AGRN: variants seen among roughly 807,000 people sequenced by gnomAD.
The protein encoded by AGRN is agrin proteoglycan.
A neutral mutation model predicts 211.0 loss-of-function variants in AGRN; 106 were observed. That is an observed-to-expected ratio of 0.50 (90% CI 0.43 to 0.59). AGRN has a LOEUF of 0.59. Ranked by LOEUF, AGRN falls within the 20% of genes least tolerant of loss-of-function variation. The probability of loss-of-function intolerance (pLI) is 0.00; values close to 1 mark genes in which losing one functional copy is unlikely to be tolerated. For synonymous variants in AGRN, 1,525 were observed against 1,332.5 expected, an observed-to-expected ratio of 1.14 and a Z score of -3.15; for missense variants, 3,040 against 2,982.6, an observed-to-expected ratio of 1.02 and a Z score of -0.45.
At chr1:1,035,012 C>T (rs1382414367) in intron 2 of AGRN, 3 of 583,204 alleles carry the variant, frequency 5.1e-6, no homozygotes, top group Non-Finnish European at 9.2e-6. Flanking sequence ...GGGGGTCCTG[C>T]CTGCACCCCT....
chr1:1,035,803 C>T (rs921060905), intron 3 of AGRN, among the ~76,000 whole-genome samples: 1 of 150,846 alleles, frequency 6.6e-6, no homozygotes, highest in African/African-American at 2.4e-5. Context: ...GCCTGGAGGG[C>T]GGCAGTCTGT....
intron 1 of AGRN, among the ~76,000 whole-genome samples, chr1:1,020,682 G>C (rs578027723): frequency 6.8e-4 from 51 of 74,934 alleles, no homozygotes; most frequent in African/African-American, 2.2e-3. Flanking sequence ...GGCCTGGGGA[G>C]GGGGGGCCTT....
At chr1:1,022,678 C>CA (rs1644435525) in intron 2 of AGRN, among the ~76,000 whole-genome samples, 1 of 152,244 alleles carries the variant, frequency 6.6e-6, no homozygotes, top group South Asian at 2.1e-4. Context: ...CCCTGGGGCC[C>CA]AAGGCAAGTC....
Position 1,055,218 on chromosome 1 carries a change from G to T in AGRN, c.*237G>T. The T allele has an allele frequency of 3.1e-6, 2 of 640,150 alleles. No homozygotes were observed. Among genetic ancestry groups the T allele is most frequent in the Non-Finnish European group, 5.4e-6 (2 of 369,440 alleles). 39.7% of individuals were successfully genotyped at this position (640,150 alleles called of 1,614,324 possible). ...AGGACACACACCCCTGCCTCAAGGTGCTGAGCCCCCGCCTTGCACTGCGCC... is the reference window on the plus strand; with the variant it reads ...AGGACACACACCCCTGCCTCAAGGTTCTGAGCCCCCGCCTTGCACTGCGCC... On this transcript the variant is annotated 3_prime_UTR_variant, in exon 36 of 36. Coordinates refer to ENST00000379370, the MANE Select transcript of AGRN (RefSeq NM_198576.4).
chr1:1,036,499 A>G (rs1008520731), intron 3 of AGRN, among the ~76,000 whole-genome samples: 5 of 152,056 alleles, frequency 3.3e-5, no homozygotes, highest in Non-Finnish European at 5.9e-5. Flanking sequence ...TTTGCTCCTG[A>G]AGCCGCACAC....
In AGRN at chr1:1,046,188, G is replaced by A. The variant is rs762373072; in HGVS notation, c.2834G>A (p.Gly945Asp). 1 of 1,613,826 alleles carries A rather than the reference G, an allele frequency of 6.2e-7. No homozygotes were observed. Among genetic ancestry groups the A allele is most frequent in the Non-Finnish European group, 8.5e-7 (1 of 1,179,996 alleles). The change falls in exon 17 of 36, where the codon GGC (glycine) becomes GAC (aspartate). Residue 945 changes from glycine (G) to aspartate (D), a missense_variant. Coordinates refer to ENST00000379370, the MANE Select transcript of AGRN (RefSeq NM_198576.4). ...KVCGSDGVTY[G>D]NECQLKTIAC... ...TGTGGGTCAGATGGAGTCACATACG[G>A]CAACGAGTGTCAGCTGAAGACCATC...
In AGRN at chr1:1,048,379, C is replaced by A; in HGVS notation, c.4105+14C>A. The A allele has an allele frequency of 7.0e-7, 1 of 1,427,746 alleles. No individual in the cohort carries two copies. Among genetic ancestry groups the A allele is most frequent in the Non-Finnish European group, 9.3e-7 (1 of 1,078,238 alleles). The allele number at this position is 1,427,746 out of a possible 1,614,324, so 88.4% of individuals were successfully genotyped here. On this transcript the variant is annotated intron_variant, in intron 23 of 35. Coordinates refer to ENST00000379370, the MANE Select transcript of AGRN (RefSeq NM_198576.4). The surrounding 1 kb of genome is among the most constrained non-coding windows in gnomAD (Gnocchi z 5.9). The stretch of plus-strand genomic sequence containing the variant: ...TCTGTGAGAAGGGTAAGGATGTCCA[C>A]TGCAGAGGAGGGCGGGGAGGCAGCA...
At chr1:1,035,164 AGCG>A in intron 2 of AGRN, 110 bp from the exon 3 acceptor site, 2 of 942,786 alleles carry the variant, frequency 2.1e-6, no homozygotes, top group South Asian at 1.3e-5. Context: ...CCCTGGGGCT[AGCG>A]GTGGGGGGGG....
In AGRN at chr1:1,050,128, C is replaced by T. The variant is rs1487525987; in HGVS notation, c.4879+91C>T. The T allele has an allele frequency of 1.0e-5, 16 of 1,581,334 alleles. No individual in the cohort carries two copies. The Middle Eastern group carries it at 9.1e-4, about 90-fold the overall frequency. On this transcript the variant is annotated intron_variant, in intron 27 of 35. Transcript: ENST00000379370. ...TCCAGGTAGCATTGCAGTTAGGATG[C>T]GGCTCAGTCTAGTCTGGGTTTTGAG... is the stretch of plus-strand genomic sequence containing the variant.
intron 33 of AGRN, chr1:1,053,281 G>GTGTCCGCACCA (rs1645362029): frequency 2.3e-6 from 1 of 431,202 alleles, no homozygotes; most frequent in Middle Eastern, 4.8e-4. Context: ...CACGTGTCTC[G>GTGTCCGCACCA]TGTCCGCACA....
At position 1,032,685 on chromosome 1, in the gene AGRN, G is replaced by A. The variant is rs1028659015; in HGVS notation, c.464-2592G>A. ...TCCGCGGTGCTGGAGGGGACTGGCG[G>A]AGCAGAAGCGCCCTGGCGCCGGGTC... On this transcript the variant is annotated intron_variant, in intron 2 of 35. Coordinates refer to ENST00000379370, the MANE Select transcript of AGRN (RefSeq NM_198576.4). This position sits in a 1 kb window ranked among gnomAD's most constrained non-coding sequence, Gnocchi z 4.7. Among the ~76,000 whole-genome samples the A allele has an allele frequency of 3.3e-5, 5 of 152,214 alleles. No individual in the cohort carries two copies. In the East Asian group the frequency reaches 9.6e-4, roughly 29 times the overall value.
rs766470739 is a variant in AGRN at position 1,048,321 on chromosome 1, C to T, written c.4061C>T (p.Thr1354Ile). ...CQDWALGGGFTCSCPAGRGGA... is the reference protein window; with the variant it reads ...CQDWALGGGFICSCPAGRGGA... Reference sequence around the variant, plus strand: ...GACTGGGCATTGGGCGGGGGCTTCACCTGCAGCTGCCCGGCAGGCAGGGGA... The same window carrying T: ...GACTGGGCATTGGGCGGGGGCTTCATCTGCAGCTGCCCGGCAGGCAGGGGA... Residue 1354 changes from threonine to isoleucine, a missense_variant, in exon 23 of 36, where the codon ACC becomes ATC. Transcript: ENST00000379370. The surrounding 1 kb of genome is among the most constrained non-coding windows in gnomAD (Gnocchi z 5.9). 5 of 1,480,544 alleles carry T rather than the reference C, an allele frequency of 3.4e-6. No homozygotes were observed. Among genetic ancestry groups the T allele is most frequent in the Admixed American group, 2.4e-5 (1 of 41,556 alleles). The allele number at this position is 1,480,544 out of a possible 1,614,324, so 91.7% of individuals were successfully genotyped here.
chr1:1,046,924 C>T lies in AGRN; in HGVS notation c.3355C>T (p.Pro1119Ser), dbSNP rs1645113804. The change falls in exon 19 of 36, where the codon CCC (proline) becomes TCC (serine). Residue 1119 changes from proline to serine, a missense_variant. Physicochemically the swap from Pro to Ser is moderately conservative, Grantham distance 74 (BLOSUM62 -1). Around this residue, in one of 3 missense-constraint regions of AGRN, gnomAD observed 1,537 missense variants for 1,505.0 expected, o/e 1.02. Coordinates refer to ENST00000379370, the MANE Select transcript of AGRN (RefSeq NM_198576.4). The part of the protein sequence containing the change: ...ALGCCSDGKT[P>S]SLDAEGSNCP... ...GGGCTGCTGCTCTGATGGGAAGACG[C>T]CCTCGCTGGACGCAGAGGGCTCCAA... 6.3e-7 allele frequency: 1 copy of T among 1,579,502 alleles called. No homozygotes were observed. The highest frequency in any genetic ancestry group is 8.6e-7 in the Non-Finnish European group (1 of 1,163,580).
In AGRN at chr1:1,049,280, C is replaced by A; in HGVS notation, c.4343C>A (p.Pro1448Gln). 1.3e-6 allele frequency: 2 copies of A among 1,595,692 alleles called. No individual in the cohort carries two copies. The highest frequency in any genetic ancestry group is 1.7e-6 in the Non-Finnish European group (2 of 1,178,068). ...SGPAVLTSAV[P>Q]VEPGQWHRLE... Reference sequence around the variant, plus strand: ...CCGGCGGTGCTGACCAGTGCCGTGCCGGTAGAGCCGGGCCAGTGGCACCGC... The same window carrying A: ...CCGGCGGTGCTGACCAGTGCCGTGCAGGTAGAGCCGGGCCAGTGGCACCGC... Residue 1448 changes from proline (P) to glutamine (Q), a missense_variant, in exon 25 of 36, where the codon CCG becomes CAG. Around this residue, in one of 3 missense-constraint regions of AGRN, gnomAD observed 1,537 missense variants for 1,505.0 expected, o/e 1.02. Transcript: ENST00000379370.
chr1:1,031,845 G>A lies in AGRN; in HGVS notation c.464-3432G>A, dbSNP rs893205608. ...CAGCAGGCGGGCTGGCGCGTGACCTGGTAGCACGGCCTGGGTTTGACCCTG... is the reference window on the plus strand; with the variant it reads ...CAGCAGGCGGGCTGGCGCGTGACCTAGTAGCACGGCCTGGGTTTGACCCTG... On this transcript the variant is annotated intron_variant, in intron 2 of 35. Transcript: ENST00000379370. The surrounding 1 kb of genome is among the most constrained non-coding windows in gnomAD (Gnocchi z 4.8). 1.3e-5 allele frequency among the ~76,000 whole-genome samples: 2 copies of A among 152,226 alleles called. No homozygotes were observed. The highest frequency in any genetic ancestry group is 6.5e-5 in the Admixed American group (1 of 15,292).
In AGRN at chr1:1,044,140, G is replaced by A; in HGVS notation, c.2031G>A (p.Gly677=). 6.2e-7 allele frequency: 1 copy of A among 1,613,288 alleles called. No individual in the cohort carries two copies. Among genetic ancestry groups the A allele is most frequent in the Non-Finnish European group, 8.5e-7 (1 of 1,179,938 alleles). The change falls in exon 11 of 36, where the codon GGG becomes GGA. Residue 677 remains glycine, a synonymous_variant. Coordinates refer to ENST00000379370, the MANE Select transcript of AGRN (RefSeq NM_198576.4). ...GCGGTTCCGGAGGCTCTGGCTCTGG[G>A]GAGGACGGTGACTGTGAGCAGGAGC... ...AECGSGGSGS[G]EDGDCEQELC... is the part of the protein sequence containing the mutation.
In AGRN at chr1:1,040,784, G is replaced by A. The variant is rs1447011336; in HGVS notation, c.631G>A (p.Gly211Arg). 1.3e-6 allele frequency: 2 copies of A among 1,540,036 alleles called. No individual in the cohort carries two copies. The highest frequency in any genetic ancestry group is 2.0e-5 in the Admixed American group (1 of 51,232). Residue 211 changes from glycine (G) to arginine (R), a missense_variant, in exon 4 of 36, where the codon GGG (glycine) becomes AGG (arginine). Transcript: ENST00000379370. The stretch of plus-strand genomic sequence containing the variant: ...CCCCAGCGTGGTGGCGCCTGTGTGT[G>A]GGTCGGACGCCTCCACCTACAGCAA... ...PCPSVVAPVC[G>R]SDASTYSNEC...
chr1:1,041,765 G>A (rs1457323834), intron 6 of AGRN, 63 bp downstream of exon 6: 42 of 1,412,010 alleles, frequency 3.0e-5, no homozygotes, highest in Admixed American at 4.2e-5. Flanking sequence ...CGGCTCCCCC[G>A]GGGGAGGGCT....
chr1:1,054,077 A>C, intron 34 of AGRN, 100 bp downstream of exon 34: 3 of 1,319,094 alleles, frequency 2.3e-6, no homozygotes, highest in Non-Finnish European at 3.2e-6. Flanking sequence ...GTCAGGGAGG[A>C]CACGCCTTGC....
Sources: allele counts gnomAD v4.1 joint callset (sites outside exome capture counted in the v4.1 genomes callset), GRCh38; gene constraint gnomAD v4.1.1; regional missense constraint gnomAD v4.1.1; non-coding constraint Gnocchi (gnomAD v3.1); transcripts MANE v1.5; gene names NCBI Gene and HGNC (gene_info 2026-07-23, HGNC 2026-07-21).